The following PDGFC variants were observed in gnomAD, a reference collection of about 807,000 sequenced individuals.
PDGFC encodes platelet derived growth factor C.
PDGFC carries 12 observed loss-of-function variants against 35.5 expected under a neutral mutation model. The observed-to-expected ratio is 0.34, with a 90% confidence interval of 0.22 to 0.55. The LOEUF is 0.55. PDGFC is among the 20% of genes least tolerant of loss of function. The pLI, the probability that PDGFC is intolerant of heterozygous loss-of-function variation, is 0.91. For synonymous variants in PDGFC, 159 were observed against 148.8 expected (o/e 1.07, Z -0.50); for missense variants, 322 against 412.4 (o/e 0.78, Z 1.90).
intron 2 of PDGFC, among the ~76,000 whole-genome samples, chr4:156,829,532 T>G (rs1728874381): frequency 6.6e-6 from 1 of 152,204 alleles, no homozygotes; most frequent in African/African-American, 2.4e-5. Flanking sequence ...AAAATTTTCC[T>G]CTTGCTCTCT....
At position 156,777,870 on chromosome 4, in the gene PDGFC, A is replaced by G. The variant is rs569528367; in HGVS notation, c.496-4977T>C. Among the ~76,000 whole-genome samples, 4 of 152,306 alleles carry G rather than the reference A, an allele frequency of 2.6e-5. No homozygotes were observed. In the South Asian group the frequency reaches 8.3e-4, roughly 32 times the overall value. On this transcript the variant is annotated intron_variant, in intron 3 of 5. Transcript: ENST00000502773. Reference sequence around the variant, plus strand: ...GTAATCCCAGCACTTCCCGAAGCCAAGGCGGGTGGATCACTTGAGGTTTAG... The same window carrying G: ...GTAATCCCAGCACTTCCCGAAGCCAGGGCGGGTGGATCACTTGAGGTTTAG...
chr4:156,804,950 G>T (rs980892661), intron 3 of PDGFC, among the ~76,000 whole-genome samples: 2 of 152,012 alleles, frequency 1.3e-5, no homozygotes, highest in African/African-American at 2.4e-5. Flanking sequence ...ACAATAATCT[G>T]TCTGCCATTT....
Position 156,787,384 on chromosome 4 carries a change from T to A in PDGFC, c.496-14491A>T, listed in dbSNP as rs2110868231. The stretch of plus-strand genomic sequence containing the variant: ...AGGATTGAGGATTTTCCACTGAATT[T>A]AGCAATACGTCATCATGGAGTACCA... On this transcript the variant is annotated intron_variant, in intron 3 of 5. Transcript: ENST00000502773. Among the ~76,000 whole-genome samples, 3 of 152,284 alleles carry A rather than the reference T, an allele frequency of 2.0e-5. 1 individual carries two copies. In the East Asian group the frequency reaches 5.8e-4, roughly 29 times the overall value.
At chr4:156,850,829 T>TTA (rs1560840475) in intron 1 of PDGFC, among the ~76,000 whole-genome samples, 1 of 151,414 alleles carries the variant, frequency 6.6e-6, no homozygotes, top group African/African-American at 2.4e-5. Flanking sequence ...TTCTCTAACT[T>TTA]AAAGCTGCAG....
chr4:156,862,546 C>T (rs17035353), intron 1 of PDGFC, among the ~76,000 whole-genome samples: 17,102 of 151,950 alleles, frequency 0.11, 1,157 homozygotes, highest in African/African-American at 0.19. Context: ...TTGCTTGTTG[C>T]CATGGTCTGT....
At chr4:156,914,184 G>C (rs1350288112) in intron 1 of PDGFC, among the ~76,000 whole-genome samples, 1 of 152,140 alleles carries the variant, frequency 6.6e-6, no homozygotes, top group Non-Finnish European at 1.5e-5. Flanking sequence ...AGGAATCTAA[G>C]GGATAACAAT....
intron 1 of PDGFC, among the ~76,000 whole-genome samples, chr4:156,859,386 C>A (rs928489609): frequency 1.3e-5 from 2 of 152,020 alleles, no homozygotes; most frequent in Non-Finnish European, 2.9e-5. Flanking sequence ...CTATACAAAT[C>A]ATGTCCTTCT....
chr4:156,901,381 T>C (rs754001157), intron 1 of PDGFC, among the ~76,000 whole-genome samples: 3 of 151,952 alleles, frequency 2.0e-5, no homozygotes, highest in Non-Finnish European at 2.9e-5. Flanking sequence ...AGGATTAATA[T>C]GAAGAGGGTA....
At chr4:156,796,676 A>ATG (rs1227742274) in intron 3 of PDGFC, among the ~76,000 whole-genome samples, 2 of 152,138 alleles carry the variant, frequency 1.3e-5, no homozygotes, top group East Asian at 3.9e-4. Flanking sequence ...GTATTCTCTG[A>ATG]GTGTACTTCC....
chr4:156,821,165 T>TTGTG (rs1381073019), intron 2 of PDGFC, among the ~76,000 whole-genome samples: 2 of 118,090 alleles, frequency 1.7e-5, no homozygotes, highest in African/African-American at 1.0e-4. Flanking sequence ...ATGTTGCCTG[T>TTGTG]TGTATGTGTG....
chr4:156,900,472 A>G (rs1331499181), intron 1 of PDGFC, among the ~76,000 whole-genome samples: 1 of 152,176 alleles, frequency 6.6e-6, no homozygotes, highest in African/African-American at 2.4e-5. Context: ...GAGTCAGAGA[A>G]GTAATAGGTA....
intron 1 of PDGFC, among the ~76,000 whole-genome samples, chr4:156,853,823 C>A (rs1411793513): frequency 6.6e-6 from 1 of 151,994 alleles, no homozygotes; most frequent in African/African-American, 2.4e-5. Context: ...ATTAGCTGGA[C>A]ATGGTGGCAT....
chr4:156,953,953 T>C (rs1190794802), intron 1 of PDGFC, among the ~76,000 whole-genome samples: 3 of 151,912 alleles, frequency 2.0e-5, no homozygotes, highest in Non-Finnish European at 4.4e-5. Flanking sequence ...CAAATATGAA[T>C]ATAAATTAAG....
chr4:156,764,887 C>A (rs1730478883), intron 5 of PDGFC, among the ~76,000 whole-genome samples: 1 of 152,024 alleles, frequency 6.6e-6, no homozygotes. Flanking sequence ...TTGGCATAGA[C>A]AACGTCTTCA....
intron 1 of PDGFC, among the ~76,000 whole-genome samples, chr4:156,899,331 G>A (rs986358235): frequency 1.3e-5 from 2 of 152,080 alleles, no homozygotes; most frequent in South Asian, 2.1e-4. Context: ...TTTATAGCAG[G>A]GACTTGAGCA....
chr4:156,818,076 T>C (rs1732142232), intron 2 of PDGFC, among the ~76,000 whole-genome samples: 1 of 146,002 alleles, frequency 6.8e-6, no homozygotes, highest in Non-Finnish European at 1.5e-5. Flanking sequence ...AAAAAAAAAT[T>C]CTAGGCTAAA....
At chr4:156,873,781 T>C (rs1730043332) in intron 1 of PDGFC, 3 of 152,228 alleles carry the variant, frequency 2.0e-5, no homozygotes, top group African/African-American at 4.8e-5. Context: ...CTTGGACTTA[T>C]TTTGCAATTC....
chr4:156,767,711 C>A, intron 5 of PDGFC, 62 bp downstream of exon 5: 1 of 993,856 alleles, frequency 1.0e-6, no homozygotes, highest in Non-Finnish European at 1.6e-6. Flanking sequence ...ATTTCAGATT[C>A]ACTGTTTTGT....
intron 1 of PDGFC, among the ~76,000 whole-genome samples, chr4:156,860,651 G>A (rs1729688804): frequency 6.6e-6 from 1 of 152,088 alleles, no homozygotes; most frequent in South Asian, 2.1e-4. Context: ...CTTGACAAAT[G>A]TCTTTTACTT....
Sources: allele counts gnomAD v4.1 joint callset (sites outside exome capture counted in the v4.1 genomes callset), GRCh38; gene constraint gnomAD v4.1.1; transcripts MANE v1.5; gene names NCBI Gene and HGNC (gene_info 2026-07-23, HGNC 2026-07-21).